C8orf34: variants seen among roughly 807,000 people sequenced by gnomAD.
The protein encoded by C8orf34 is chromosome 8 open reading frame 34.
Under a neutral mutation model 68.3 loss-of-function variants are expected in C8orf34, and 65 were observed. That is an observed-to-expected ratio of 0.95 (90% CI 0.78 to 1.17). C8orf34 has a LOEUF of 1.17. Among genes scored for constraint, C8orf34 ranks in the 50% most tolerant of loss-of-function variants. The pLI is 0.00. For missense variants in C8orf34, 664 were observed against 655.4 expected, an observed-to-expected ratio of 1.01 and a Z score of -0.14; for synonymous variants, 244 against 241.2, an observed-to-expected ratio of 1.01 and a Z score of -0.11.
At chr8:68,608,881 C>T (rs920556912) in intron 7 of C8orf34, among the ~76,000 whole-genome samples, 1 of 152,076 alleles carries the variant, frequency 6.6e-6, no homozygotes, top group African/African-American at 2.4e-5. Context: ...ATAAGAAATA[C>T]TTGGAGCTGA....
intron 1 of C8orf34, among the ~76,000 whole-genome samples, chr8:68,356,687 G>A (rs16934459): frequency 0.034 from 5,155 of 152,090 alleles, 156 homozygotes; most frequent in African/African-American, 0.082. Flanking sequence ...AGTTTCTGTT[G>A]TTTTGTTCCT....
chr8:68,345,747 G>GTA (rs889994406), intron 1 of C8orf34, among the ~76,000 whole-genome samples: 1 of 151,394 alleles, frequency 6.6e-6, no homozygotes, highest in Admixed American at 6.6e-5. Context: ...ATATAAGTGG[G>GTA]TATATATATA....
chr8:68,585,750 G>A (rs1237249904), intron 7 of C8orf34, among the ~76,000 whole-genome samples: 1 of 151,994 alleles, frequency 6.6e-6, no homozygotes, highest in Non-Finnish European at 1.5e-5. Flanking sequence ...TCACTGCATG[G>A]GCCTCTCCCT....
intron 9 of C8orf34, among the ~76,000 whole-genome samples, chr8:68,720,596 A>AT (rs60251458): frequency 4.7e-4 from 70 of 148,546 alleles, no homozygotes; most frequent in South Asian, 4.3e-3. Context: ...CTCTTAACTG[A>AT]TTTTTTTTTT....
chr8:68,457,866 T>C (rs1352836310), intron 3 of C8orf34, among the ~76,000 whole-genome samples: 1 of 152,216 alleles, frequency 6.6e-6, no homozygotes, highest in African/African-American at 2.4e-5. Flanking sequence ...GTGGATATTT[T>C]TTAAAACATT....
intron 7 of C8orf34, among the ~76,000 whole-genome samples, chr8:68,610,864 T>TTTTG (rs1817999363): frequency 1.4e-5 from 2 of 141,524 alleles, no homozygotes; most frequent in Admixed American, 6.9e-5. Context: ...ATCTTTGGTT[T>TTTTG]TTTTTTTTTT....
At chr8:68,393,917 T>C (rs1314448773) in intron 1 of C8orf34, among the ~76,000 whole-genome samples, 1 of 152,068 alleles carries the variant, frequency 6.6e-6, no homozygotes, top group Admixed American at 6.6e-5. Context: ...GGAGAGATGA[T>C]GGTGGCTGAG....
chr8:68,375,163 A>G (rs1015910191), intron 1 of C8orf34, among the ~76,000 whole-genome samples: 1 of 152,182 alleles, frequency 6.6e-6, no homozygotes, highest in African/African-American at 2.4e-5. Flanking sequence ...CATCTAATTT[A>G]TGTGCAATAA....
intron 12 of C8orf34, among the ~76,000 whole-genome samples, chr8:68,799,247 T>C (rs1433388029): frequency 1.3e-5 from 2 of 152,226 alleles, no homozygotes; most frequent in East Asian, 1.9e-4. Flanking sequence ...AATATTCTTA[T>C]ATTTGCTCCA....
At chr8:68,710,753 C>A (rs1194688997) in intron 9 of C8orf34, among the ~76,000 whole-genome samples, 2 of 152,162 alleles carry the variant, frequency 1.3e-5, no homozygotes, top group African/African-American at 2.4e-5. Flanking sequence ...CCCTGCCCAC[C>A]ACCTGAGAAA....
intron 1 of C8orf34, among the ~76,000 whole-genome samples, chr8:68,424,662 A>G (rs1810129254): frequency 1.3e-5 from 2 of 152,206 alleles, no homozygotes; most frequent in Admixed American, 1.3e-4. Context: ...GCACTCTGGG[A>G]GGCTGAGGCG....
At chr8:68,368,246 G>T (rs1331393783) in intron 1 of C8orf34, among the ~76,000 whole-genome samples, 1 of 152,052 alleles carries the variant, frequency 6.6e-6, no homozygotes, top group East Asian at 1.9e-4. Context: ...CTAGAACCAT[G>T]CTATATTCCC....
At chr8:68,335,960 A>C (rs1805830583) in intron 1 of C8orf34, among the ~76,000 whole-genome samples, 1 of 151,844 alleles carries the variant, frequency 6.6e-6, no homozygotes, top group African/African-American at 2.4e-5. Context: ...GGTGATGCAC[A>C]CCTGTAATCC....
At chr8:68,616,023 G>A (rs925278147) in intron 7 of C8orf34, among the ~76,000 whole-genome samples, 5 of 151,152 alleles carry the variant, frequency 3.3e-5, no homozygotes, top group African/African-American at 4.9e-5. Context: ...TCTTGGGAGG[G>A]TGTACGTGTC....
chr8:68,611,824 A>G (rs1469016571), intron 7 of C8orf34, among the ~76,000 whole-genome samples: 2 of 152,190 alleles, frequency 1.3e-5, no homozygotes, highest in Admixed American at 6.5e-5. Flanking sequence ...TCAATTGTCC[A>G]TGTACTTACA....
intron 12 of C8orf34, among the ~76,000 whole-genome samples, chr8:68,798,727 C>G (rs750510184): frequency 1.3e-5 from 2 of 152,074 alleles, no homozygotes; most frequent in African/African-American, 2.4e-5. Flanking sequence ...TTCTAGAGGG[C>G]AAATGCCTCT....
intron 9 of C8orf34, among the ~76,000 whole-genome samples, chr8:68,719,984 A>G (rs1821623809): frequency 6.6e-6 from 1 of 151,970 alleles, no homozygotes; most frequent in Middle Eastern, 3.2e-3. Context: ...CTAATTTAAC[A>G]AATTTATTGT....
At chr8:68,787,612 TA>T (rs1442019666) in intron 12 of C8orf34, 76 bp downstream of exon 12, 3 of 1,045,226 alleles carry the variant, frequency 2.9e-6, no homozygotes, top group African/African-American at 3.3e-5. Flanking sequence ...TTCACTTTCA[TA>T]GCAATAAACA....
At chr8:68,757,463 C>G (rs911076222) in intron 10 of C8orf34, among the ~76,000 whole-genome samples, 1 of 152,054 alleles carries the variant, frequency 6.6e-6, no homozygotes, top group Non-Finnish European at 1.5e-5. Flanking sequence ...AACCCCGTCT[C>G]TACTAAAAAT....
Sources: allele counts gnomAD v4.1 joint callset (sites outside exome capture counted in the v4.1 genomes callset), GRCh38; gene constraint gnomAD v4.1.1; transcripts MANE v1.5; gene names NCBI Gene and HGNC (gene_info 2026-07-23, HGNC 2026-07-21).